RAP1GAP2: variants seen among roughly 807,000 people sequenced by gnomAD.
RAP1GAP2 encodes the protein rap1 GTPase-activating protein 2.
A neutral mutation model predicts 95.0 loss-of-function variants in RAP1GAP2; 27 were observed. That is an observed-to-expected ratio of 0.28 (90% CI 0.21 to 0.39). The LOEUF is 0.39. Among genes scored for constraint, RAP1GAP2 ranks in the 10% least tolerant of loss-of-function variants. RAP1GAP2 has a pLI of 1.00. For synonymous variants in RAP1GAP2, 373 were observed against 380.9 expected (o/e 0.98, Z 0.24); for missense variants, 771 against 970.0 (o/e 0.79, Z 2.72).
At chr17:2,994,308 A>ATTGT in intron 12 of RAP1GAP2, among the ~76,000 whole-genome samples, 1 of 152,282 alleles carries the variant, frequency 6.6e-6, no homozygotes, top group East Asian at 1.9e-4. Flanking sequence ...CTGAGATTCT[A>ATTGT]GGTCCATCTT....
chr17:2,907,678 C>T (rs1011039682), intron 3 of RAP1GAP2, among the ~76,000 whole-genome samples: 4 of 152,038 alleles, frequency 2.6e-5, no homozygotes, highest in Admixed American at 6.5e-5. Flanking sequence ...AGGTGGAGTC[C>T]GAGTGGAGGA....
chr17:2,830,289 C>T (rs778526714), intron 2 of RAP1GAP2, among the ~76,000 whole-genome samples: 17 of 152,042 alleles, frequency 1.1e-4, no homozygotes, highest in Admixed American at 3.9e-4. Flanking sequence ...TGGTGCATGC[C>T]TGTAATTCGA....
intron 2 of RAP1GAP2, among the ~76,000 whole-genome samples, chr17:2,842,936 T>C (rs561072840): frequency 6.6e-6 from 1 of 152,214 alleles, no homozygotes. Flanking sequence ...CTTCCGTCTT[T>C]CCCCTTCTTT....
At chr17:2,950,738 A>C (rs1221515877) in intron 3 of RAP1GAP2, among the ~76,000 whole-genome samples, 1 of 151,218 alleles carries the variant, frequency 6.6e-6, no homozygotes. Context: ...AGCCTCCCAA[A>C]TAGCTGGGAT....
Position 2,902,985 on chromosome 17 carries a change from G to A in RAP1GAP2, c.81-2299G>A, listed in dbSNP as rs989618410. ...GTATGAGCGTCCAGTGACCGGTGAT[G>A]TTAAAACCAGCTCTGTCCTCCTCTG... On this transcript the variant is annotated intron_variant, in intron 2 of 24. Transcript: ENST00000254695. The surrounding 1 kb of genome is among the most constrained non-coding windows in gnomAD (Gnocchi z 4.1). Among the ~76,000 whole-genome samples the A allele has an allele frequency of 1.3e-5, 2 of 152,228 alleles. No individual in the cohort carries two copies. The highest frequency in any genetic ancestry group is 2.9e-5 in the Non-Finnish European group (2 of 68,044).
chr17:2,865,057 C>T (rs536448532), intron 2 of RAP1GAP2, among the ~76,000 whole-genome samples: 4 of 152,250 alleles, frequency 2.6e-5, no homozygotes, highest in Admixed American at 1.3e-4. Context: ...AAAGGGATGG[C>T]GTCTCCAATG....
chr17:2,952,580 C>T (rs953078350), intron 3 of RAP1GAP2, among the ~76,000 whole-genome samples: 9 of 152,158 alleles, frequency 5.9e-5, no homozygotes, highest in African/African-American at 1.9e-4. Context: ...TCCTGCAGCC[C>T]GGGGCCTGCA....
chr17:2,948,819 T>A (rs1239054663), intron 3 of RAP1GAP2, among the ~76,000 whole-genome samples: 1 of 151,890 alleles, frequency 6.6e-6, no homozygotes, highest in East Asian at 1.9e-4. Context: ...GGGCACAGGG[T>A]GGTGAGATGG....
At chr17:2,798,867 T>C (rs7207754) in intron 1 of RAP1GAP2, among the ~76,000 whole-genome samples, 39,021 of 152,124 alleles carry the variant, frequency 0.26, 5,306 homozygotes, top group African/African-American at 0.32. Flanking sequence ...TGCCTGTAGG[T>C]GGTGCGGTGG....
At chr17:2,905,515 T>G (rs2042170847) in intron 3 of RAP1GAP2, 147 bp downstream of exon 3, 6 of 728,536 alleles carry the variant, frequency 8.2e-6, no homozygotes, top group Non-Finnish European at 2.2e-6. Flanking sequence ...GATGTTCAGT[T>G]AAGCACCAGT....
chr17:2,830,163 G>T (rs1055590414), intron 2 of RAP1GAP2, among the ~76,000 whole-genome samples: 1 of 152,194 alleles, frequency 6.6e-6, no homozygotes, highest in Non-Finnish European at 1.5e-5. Flanking sequence ...TGTAATCCCA[G>T]CACTTTGGGA....
intron 3 of RAP1GAP2, among the ~76,000 whole-genome samples, chr17:2,921,782 G>T (rs989061038): frequency 2.0e-5 from 3 of 152,052 alleles, no homozygotes; most frequent in South Asian, 2.1e-4. Context: ...CCATGTTCCC[G>T]CCAGAGGCTC....
chr17:2,927,308 C>T (rs574019750), intron 3 of RAP1GAP2, among the ~76,000 whole-genome samples: 26 of 152,092 alleles, frequency 1.7e-4, no homozygotes, highest in South Asian at 4.1e-4. Flanking sequence ...CACCCGCCAC[C>T]GCGCCCGGCT....
rs959231641 is a variant in RAP1GAP2, at chr17:2,902,051, C to T, written c.81-3233C>T. Among the ~76,000 whole-genome samples the T allele has an allele frequency of 2.6e-5, 4 of 152,154 alleles. No individual in the cohort carries two copies. The highest frequency in any genetic ancestry group is 5.9e-5 in the Non-Finnish European group (4 of 68,028). On this transcript the variant is annotated intron_variant, in intron 2 of 24. Coordinates refer to ENST00000254695, the MANE Select transcript of RAP1GAP2 (RefSeq NM_015085.5). The surrounding 1 kb of genome is among the most constrained non-coding windows in gnomAD (Gnocchi z 4.1). ...GTCCAAAATCAAGGTGTCAGCAGGG[C>T]GACGCTCCCTCTGCAGGCTCTAGGG... is the stretch of plus-strand genomic sequence containing the variant.
At chr17:3,024,350 C>G (rs2047040662) in intron 19 of RAP1GAP2, among the ~76,000 whole-genome samples, 1 of 152,196 alleles carries the variant, frequency 6.6e-6, no homozygotes, top group Admixed American at 6.5e-5. Flanking sequence ...CATTGAGACA[C>G]TTCACACCTC....
At chr17:2,897,874 G>T (rs1368018848) in intron 2 of RAP1GAP2, among the ~76,000 whole-genome samples, 3 of 151,732 alleles carry the variant, frequency 2.0e-5, no homozygotes, top group Admixed American at 6.6e-5. Flanking sequence ...GTGAACCCTG[G>T]GATTGAAGTA....
At position 2,769,511 on chromosome 17, in the gene RAP1GAP2, C is replaced by A. The variant is rs201820083; in HGVS notation, c.51-818C>A. ...CGGAGCTTGCAGTGAGCCGAGATCG[C>A]GCCACTGCACTCCAGCCTGGGTGAC... On this transcript the variant is annotated intron_variant, in intron 1 of 25. Coordinates refer to the RAP1GAP2 transcript ENST00000637138. 6.1e-3 allele frequency among the ~76,000 whole-genome samples: 927 copies of A among 151,048 alleles called. 36 individuals are homozygous for A. The highest frequency in any genetic ancestry group is 0.053 in the East Asian group (269 of 5,086).
intron 2 of RAP1GAP2, among the ~76,000 whole-genome samples, chr17:2,804,945 G>A (rs1465125437): frequency 1.1e-4 from 16 of 152,184 alleles, no homozygotes; most frequent in Non-Finnish European, 2.4e-4. Context: ...TTGCATTCAT[G>A]CCTTGAATCC....
At chr17:2,941,062 T>A (rs868745024) in intron 3 of RAP1GAP2, among the ~76,000 whole-genome samples, 1 of 152,040 alleles carries the variant, frequency 6.6e-6, no homozygotes, top group Non-Finnish European at 1.5e-5. Flanking sequence ...AGTGGTATAG[T>A]GGAGAGTTTT....
Sources: allele counts gnomAD v4.1 joint callset (sites outside exome capture counted in the v4.1 genomes callset), GRCh38; gene constraint gnomAD v4.1.1; non-coding constraint Gnocchi (gnomAD v3.1); transcripts MANE v1.5; gene names NCBI Gene and HGNC (gene_info 2026-07-23, HGNC 2026-07-21).